Variants in NDST4 observed in about 807,000 individuals in gnomAD.
NDST4 encodes the protein N-heparan sulfate sulfotransferase 4.
A neutral mutation model predicts 100.8 loss-of-function variants in NDST4; 63 were observed. That is an observed-to-expected ratio of 0.62 (90% CI 0.51 to 0.77). NDST4 has a LOEUF of 0.77. NDST4 is among the 30% of genes least tolerant of loss of function. NDST4 has a pLI of 0.00. For missense variants in NDST4, 943 were observed against 1,018.4 expected (o/e 0.93, Z 1.01); for synonymous variants, 377 against 361.8 (o/e 1.04, Z -0.48).
At chr4:114,962,440 T>A (rs1345478715) in intron 4 of NDST4, among the ~76,000 whole-genome samples, 1 of 151,964 alleles carries the variant, frequency 6.6e-6, no homozygotes, top group African/African-American at 2.4e-5. Flanking sequence ...CTAAAAATAA[T>A]AAATGAGCTC....
chr4:114,897,504 G>T (rs1440992297), intron 6 of NDST4, among the ~76,000 whole-genome samples: 1 of 152,054 alleles, frequency 6.6e-6, no homozygotes, highest in Non-Finnish European at 1.5e-5. Context: ...TTTCTTCCAA[G>T]ATTTGGCAAT....
At chr4:114,870,708 A>G (rs747129030) in intron 7 of NDST4, 60 bp downstream of exon 7, 103 of 1,440,880 alleles carry the variant, frequency 7.1e-5, no homozygotes, top group Admixed American at 8.8e-5. Context: ...AACACAAATT[A>G]TACACTCACA....
intron 6 of NDST4, among the ~76,000 whole-genome samples, chr4:114,872,599 C>T (rs894056836): frequency 6.6e-6 from 1 of 151,984 alleles, no homozygotes. Flanking sequence ...GCTTTAATGT[C>T]TCTAACTTAG....
At chr4:115,111,830 C>T (rs1369184985) in intron 1 of NDST4, among the ~76,000 whole-genome samples, 1 of 151,662 alleles carries the variant, frequency 6.6e-6, no homozygotes, top group Non-Finnish European at 1.5e-5. Flanking sequence ...AAAATCTTCC[C>T]AATTAGCTTA....
At chr4:115,030,974 A>T (rs146029255) in intron 2 of NDST4, among the ~76,000 whole-genome samples, 2 of 152,086 alleles carry the variant, frequency 1.3e-5, no homozygotes, top group African/African-American at 4.8e-5. Context: ...AGTTGAATTC[A>T]TTATTTCTCT....
chr4:114,914,645 GT>G (rs1227131748), intron 6 of NDST4, among the ~76,000 whole-genome samples: 3 of 151,988 alleles, frequency 2.0e-5, no homozygotes, highest in Admixed American at 2.0e-4. Context: ...TAATGATATT[GT>G]TTTTTTCAGA....
At chr4:114,990,968 C>T (rs993268900) in intron 2 of NDST4, among the ~76,000 whole-genome samples, 32 of 151,956 alleles carry the variant, frequency 2.1e-4, no homozygotes, top group African/African-American at 7.7e-4. Context: ...GAACACTAAC[C>T]TCATTTTAAT....
intron 4 of NDST4, among the ~76,000 whole-genome samples, chr4:114,955,211 G>T (rs1726111644): frequency 6.6e-6 from 1 of 152,164 alleles, no homozygotes; most frequent in Non-Finnish European, 1.5e-5. Context: ...GCATCAATTT[G>T]TAGGAAGCTC....
At chr4:114,890,406 C>A (rs1724568253) in intron 6 of NDST4, among the ~76,000 whole-genome samples, 1 of 152,030 alleles carries the variant, frequency 6.6e-6, no homozygotes, top group Admixed American at 6.6e-5. Flanking sequence ...TTCATTAAGG[C>A]ACAAAGTCTT....
At chr4:114,958,015 C>A (rs193157957) in intron 4 of NDST4, among the ~76,000 whole-genome samples, 1 of 152,312 alleles carries the variant, frequency 6.6e-6, no homozygotes, top group East Asian at 1.9e-4. Context: ...ACGGTGCAAG[C>A]CATTGGTGGA....
At chr4:115,009,397 T>C (rs1727492290) in intron 2 of NDST4, among the ~76,000 whole-genome samples, 1 of 128,310 alleles carries the variant, frequency 7.8e-6, no homozygotes, top group African/African-American at 3.0e-5. Context: ...TACAACTATC[T>C]GATCCTTGAC....
At chr4:115,106,113 G>C (rs1054841727) in intron 1 of NDST4, among the ~76,000 whole-genome samples, 4 of 152,086 alleles carry the variant, frequency 2.6e-5, no homozygotes, top group African/African-American at 7.2e-5. Flanking sequence ...TGATGGAACA[G>C]TGTGGGGGTA....
At chr4:114,949,194 ACT>A (rs149688189) in intron 4 of NDST4, among the ~76,000 whole-genome samples, 3,580 of 152,014 alleles carry the variant, frequency 0.024, 143 homozygotes, top group African/African-American at 0.081. Context: ...TTGATTAATA[ACT>A]CTATCAATTT....
chr4:114,991,630 A>G (rs1727043268), intron 2 of NDST4, among the ~76,000 whole-genome samples: 1 of 152,024 alleles, frequency 6.6e-6, no homozygotes, highest in African/African-American at 2.4e-5. Context: ...CTCTAGCCAC[A>G]AGAGAAAAGC....
At chr4:114,998,955 G>A (rs2126254970) in intron 2 of NDST4, among the ~76,000 whole-genome samples, 1 of 152,092 alleles carries the variant, frequency 6.6e-6, no homozygotes, top group Non-Finnish European at 1.5e-5. Context: ...AGTTGAAAAT[G>A]CATCTTGTTT....
chr4:114,829,580 A>C (rs943565633), intron 13 of NDST4, among the ~76,000 whole-genome samples: 1 of 152,192 alleles, frequency 6.6e-6, no homozygotes, highest in Non-Finnish European at 1.5e-5. Context: ...AATAATTTCT[A>C]GGAATGTATA....
At chr4:114,936,613 A>G (rs1028742779) in intron 5 of NDST4, among the ~76,000 whole-genome samples, 3 of 152,206 alleles carry the variant, frequency 2.0e-5, no homozygotes, top group African/African-American at 7.2e-5. Context: ...TTGTTTTAAA[A>G]TAGGCTATTT....
At chr4:114,966,777 G>A (rs558954087) in intron 4 of NDST4, among the ~76,000 whole-genome samples, 2 of 152,142 alleles carry the variant, frequency 1.3e-5, no homozygotes, top group South Asian at 2.1e-4. Flanking sequence ...TTTGTGGACC[G>A]ATGTAATCCA....
chr4:114,849,676 C>T (rs779696144), intron 8 of NDST4, among the ~76,000 whole-genome samples: 10 of 151,840 alleles, frequency 6.6e-5, no homozygotes, highest in African/African-American at 1.5e-4. Flanking sequence ...ACACTGTGTG[C>T]GAAATAAGAT....
Sources: allele counts gnomAD v4.1 joint callset (sites outside exome capture counted in the v4.1 genomes callset), GRCh38; gene constraint gnomAD v4.1.1; transcripts MANE v1.5; gene names NCBI Gene and HGNC (gene_info 2026-07-23, HGNC 2026-07-21).